The following C3orf49 variants were observed in gnomAD, a reference collection of about 807,000 sequenced individuals.
C3orf49 encodes the protein putative uncharacterized protein C3orf49.
In C3orf49, 27 loss-of-function variants were observed where a neutral mutation model predicts 13.3. The observed-to-expected ratio is 2.02, with a 90% confidence interval of 1.49 to 2.79. C3orf49 has a LOEUF of 2.79. Among genes scored for constraint, C3orf49 ranks in the 30% most tolerant of loss-of-function variants. The probability of loss-of-function intolerance (pLI) is 0.00; values close to 1 mark genes in which losing one functional copy is unlikely to be tolerated. For synonymous variants in C3orf49, 87 were observed against 47.6 expected (o/e 1.83, Z -3.40); for missense variants, 242 against 134.2 (o/e 1.80, Z -3.97).
At chr3:63,821,109 C>T (rs906297730) in intron 1 of C3orf49, among the ~76,000 whole-genome samples, 5 of 152,042 alleles carry the variant, frequency 3.3e-5, no homozygotes, top group Admixed American at 1.3e-4. Context: ...AAGATTATGC[C>T]CATTTTCAAA....
intron 6 of C3orf49, chr3:63,846,301 G>T: frequency 2.6e-6 from 1 of 386,170 alleles, no homozygotes; most frequent in Admixed American, 3.2e-5. Context: ...TGCACTCCCT[G>T]GACAAAAATG....
chr3:63,836,202 T>C (rs1222886876), intron 5 of C3orf49: 1 of 1,143,428 alleles, frequency 8.7e-7, no homozygotes, highest in African/African-American at 1.6e-5. Context: ...CCCCTCCTTT[T>C]GAAACATATT....
chr3:63,835,325 T>G, intron 5 of C3orf49: 4 of 1,613,556 alleles, frequency 2.5e-6, no homozygotes, highest in Non-Finnish European at 3.4e-6. Context: ...TGCGAATACC[T>G]TATCTTCAAC....
chr3:63,802,875 C>G, the C3orf49 span, among the ~76,000 whole-genome samples: 1 of 152,068 alleles, frequency 6.6e-6, no homozygotes, highest in Non-Finnish European at 1.5e-5. Context: ...TACCTTCACA[C>G]ACAGAAACAC....
intron 3 of C3orf49, 99 bp downstream of exon 3, chr3:63,827,824 A>G: frequency 1.6e-6 from 1 of 608,884 alleles, no homozygotes; most frequent in South Asian, 2.0e-5. Flanking sequence ...AGTCCTCCAC[A>G]ATAAGCCCTT....
the C3orf49 span, among the ~76,000 whole-genome samples, chr3:63,804,111 G>A: frequency 6.6e-6 from 1 of 152,082 alleles, no homozygotes; most frequent in Non-Finnish European, 1.5e-5. Flanking sequence ...GATAATGAGA[G>A]TGATGGGGAA....
Position 63,831,225 on chromosome 3 carries a change from T to A in C3orf49, c.684+2T>A. The A allele has an allele frequency of 1.4e-6, 1 of 701,618 alleles. No individual in the cohort carries two copies. The highest frequency in any genetic ancestry group is 2.6e-6 in the Non-Finnish European group (1 of 384,662). 43.5% of individuals were successfully genotyped at this position (701,618 alleles called of 1,614,324 possible). On this transcript the variant is annotated splice_donor_variant, in intron 4 of 6. Transcript: ENST00000295896. LOFTEE classifies it high-confidence loss of function. ...ACAGTAGGAAAGCTTCAAATGCAGG[T>A]AGTGGACAAAGGCTTTTAACTTTTG...
chr3:63,842,913 C>T (rs1234999181), intron 5 of C3orf49, among the ~76,000 whole-genome samples: 4 of 151,998 alleles, frequency 2.6e-5, no homozygotes, highest in African/African-American at 9.7e-5. Flanking sequence ...TCCCAAGTAG[C>T]TGTGACTACA....
the C3orf49 span, among the ~76,000 whole-genome samples, chr3:63,794,149 C>T: frequency 6.8e-6 from 1 of 146,186 alleles, no homozygotes; most frequent in Non-Finnish European, 1.5e-5. Context: ...AGCAAGACTC[C>T]ATCTCAAATA....
chr3:63,787,893 T>G, the C3orf49 span, among the ~76,000 whole-genome samples: 2 of 152,192 alleles, frequency 1.3e-5, no homozygotes, highest in Non-Finnish European at 2.9e-5. Flanking sequence ...GCCATCAGTT[T>G]TTCTGGATGG....
chr3:63,799,144 A>G, the C3orf49 span, among the ~76,000 whole-genome samples: 2 of 152,102 alleles, frequency 1.3e-5, no homozygotes, highest in African/African-American at 4.8e-5. Context: ...ATAATCTTGA[A>G]CATGCTGATT....
rs143337118 is a variant in C3orf49 at position 63,842,354 on chromosome 3, A to G, written c.850-2669A>G. On this transcript the variant is annotated intron_variant, in intron 5 of 6. Transcript: ENST00000295896. Reference sequence around the variant, plus strand: ...TGTGGAGAAAGCAGAACCCTTATACACTATTGGTGGAATGTAAATTAGTAC... The same window carrying G: ...TGTGGAGAAAGCAGAACCCTTATACGCTATTGGTGGAATGTAAATTAGTAC... 3.3e-3 allele frequency among the ~76,000 whole-genome samples: 499 copies of G among 152,278 alleles called. 3 individuals are homozygous for G. The highest frequency in any genetic ancestry group is 0.014 in the Middle Eastern group (4 of 294).
chr3:63,831,643 A>C, intron 4 of C3orf49, 37 bp from the exon 5 acceptor site: 1 of 692,902 alleles, frequency 1.4e-6, no homozygotes, highest in Non-Finnish European at 2.6e-6. Context: ...AGGCTTTCCA[A>C]CACATGGCTT....
intron 5 of C3orf49, among the ~76,000 whole-genome samples, chr3:63,839,389 C>T (rs1467426371): frequency 1.3e-5 from 2 of 152,140 alleles, no homozygotes; most frequent in Non-Finnish European, 2.9e-5. Context: ...TCTTACTAAA[C>T]ACTTATGTCC....
intron 3 of C3orf49, among the ~76,000 whole-genome samples, chr3:63,828,658 CTAT>C (rs899082949): frequency 5.7e-4 from 87 of 152,132 alleles, no homozygotes; most frequent in African/African-American, 1.6e-3. Context: ...GAACCATGAA[CTAT>C]TATTATTATT....
At chr3:63,817,894 A>G (rs1362693761), upstream of C3orf49, among the ~76,000 whole-genome samples, 4 of 152,216 alleles carry the variant, frequency 2.6e-5, no homozygotes. Flanking sequence ...TTGATGAAAT[A>G]CAACAGAATT....
chr3:63,789,196 T>C, the C3orf49 span, among the ~76,000 whole-genome samples: 18 of 152,102 alleles, frequency 1.2e-4, no homozygotes, highest in Non-Finnish European at 2.4e-4. Flanking sequence ...GAACTGCGCA[T>C]ACAAGGGATC....
chr3:63,789,139 T>A, the C3orf49 span, among the ~76,000 whole-genome samples: 2 of 152,124 alleles, frequency 1.3e-5, no homozygotes, highest in Non-Finnish European at 2.9e-5. Flanking sequence ...CTGCCTTTTG[T>A]CAGGTCAGTG....
At chr3:63,817,158 A>G (rs1208165095), upstream of C3orf49, among the ~76,000 whole-genome samples, 2 of 151,896 alleles carry the variant, frequency 1.3e-5, no homozygotes, top group Non-Finnish European at 2.9e-5. Flanking sequence ...GGGTCACACA[A>G]ATTTTCACAC....
Sources: allele counts gnomAD v4.1 joint callset (sites outside exome capture counted in the v4.1 genomes callset), GRCh38; gene constraint gnomAD v4.1.1; transcripts MANE v1.5; gene names NCBI Gene and HGNC (gene_info 2026-07-23, HGNC 2026-07-21).